The following ARHGAP24 variants were observed in gnomAD, a reference collection of about 807,000 sequenced individuals.
ARHGAP24 encodes the protein rho GTPase-activating protein 24.
A neutral mutation model predicts 76.4 loss-of-function variants in ARHGAP24; 50 were observed. The observed-to-expected ratio is 0.65, with a 90% CI of 0.52 to 0.83. ARHGAP24 has a LOEUF of 0.83. ARHGAP24 is among the 40% of genes least tolerant of loss of function. The pLI, the probability that ARHGAP24 is intolerant of heterozygous loss-of-function variation, is 0.00. For missense variants in ARHGAP24, 930 were observed against 914.2 expected (o/e 1.02, Z -0.22); for synonymous variants, 345 against 323.3 (o/e 1.07, Z -0.72).
At chr4:85,514,531 T>C (rs979361111) in intron 1 of ARHGAP24, among the ~76,000 whole-genome samples, 18 of 152,232 alleles carry the variant, frequency 1.2e-4, no homozygotes, top group Middle Eastern at 3.4e-3. Context: ...AGTTCTATTA[T>C]ATATAATCCA....
At chr4:85,643,250 T>G (rs1393653699) in intron 2 of ARHGAP24, among the ~76,000 whole-genome samples, 1,879 of 48,166 alleles carry the variant, frequency 0.039, 305 homozygotes, top group African/African-American at 0.14. Flanking sequence ...TTTTTTTTTT[T>G]TTTTTTTTTT....
chr4:85,551,286 C>T (rs55829810), intron 1 of ARHGAP24, among the ~76,000 whole-genome samples: 9,337 of 152,198 alleles, frequency 0.061, 873 homozygotes, highest in African/African-American at 0.2. Context: ...TTGAGATAAT[C>T]GTGTGGCTTT....
At chr4:85,896,384 C>T (rs1734181511) in intron 3 of ARHGAP24, among the ~76,000 whole-genome samples, 1 of 152,144 alleles carries the variant, frequency 6.6e-6, no homozygotes, top group Non-Finnish European at 1.5e-5. Flanking sequence ...GTGGCCATAT[C>T]CTACCAAAAA....
intron 1 of ARHGAP24, among the ~76,000 whole-genome samples, chr4:85,533,887 C>G (rs1041949229): frequency 6.6e-6 from 1 of 152,080 alleles, no homozygotes; most frequent in African/African-American, 2.4e-5. Flanking sequence ...AAATAACTAG[C>G]CTATGTTAAG....
At position 85,943,875 on chromosome 4, in the gene ARHGAP24, T is replaced by G. The variant is rs1186831070; in HGVS notation, c.599+1602T>G. On this transcript the variant is annotated intron_variant, in intron 5 of 9. Transcript: ENST00000395184. ...AGTATATCATTGATGGGCATTTGGG[T>G]TGGTTCCAAGTCTTTGCTATTGTGA... Among the ~76,000 whole-genome samples the G allele has an allele frequency of 2.0e-5, 3 of 151,820 alleles. No homozygotes were observed. The East Asian group carries it at 5.8e-4, about 29-fold the overall frequency.
chr4:85,585,021 A>C (rs192429920), intron 2 of ARHGAP24, among the ~76,000 whole-genome samples: 1 of 152,216 alleles, frequency 6.6e-6, no homozygotes, highest in Admixed American at 6.5e-5. Context: ...AGAGCTTGCT[A>C]AAACCCATCT....
chr4:85,862,845 T>C (rs1731978635), intron 3 of ARHGAP24, among the ~76,000 whole-genome samples: 1 of 152,160 alleles, frequency 6.6e-6, no homozygotes. Flanking sequence ...TCCCCAAATA[T>C]ATTTCACATC....
At chr4:85,575,113 C>A (rs1486493849) in intron 2 of ARHGAP24, among the ~76,000 whole-genome samples, 1 of 152,002 alleles carries the variant, frequency 6.6e-6, no homozygotes, top group Non-Finnish European at 1.5e-5. Flanking sequence ...AACTAAACAT[C>A]CTCATTATCC....
At chr4:85,551,960 A>T (rs575836498) in intron 1 of ARHGAP24, among the ~76,000 whole-genome samples, 8 of 152,116 alleles carry the variant, frequency 5.3e-5, no homozygotes, top group East Asian at 1.9e-4. Context: ...TTTATTATTT[A>T]AAAAACTCAT....
At chr4:85,833,522 T>A (rs1341753125) in intron 3 of ARHGAP24, among the ~76,000 whole-genome samples, 1 of 152,156 alleles carries the variant, frequency 6.6e-6, no homozygotes, top group Non-Finnish European at 1.5e-5. Context: ...TCATTCACGC[T>A]AAGTTTCTCA....
At chr4:85,665,867 G>A (rs1722594990) in intron 2 of ARHGAP24, among the ~76,000 whole-genome samples, 1 of 152,164 alleles carries the variant, frequency 6.6e-6, no homozygotes, top group African/African-American at 2.4e-5. Context: ...GGCTTGTAGG[G>A]TTTCTGCCAA....
At chr4:85,530,909 A>G (rs1343917698) in intron 1 of ARHGAP24, among the ~76,000 whole-genome samples, 1 of 152,074 alleles carries the variant, frequency 6.6e-6, no homozygotes, top group Non-Finnish European at 1.5e-5. Flanking sequence ...CATTTGCATA[A>G]TGTGCAGGGA....
At chr4:85,548,264 G>A (rs1490444699) in intron 1 of ARHGAP24, among the ~76,000 whole-genome samples, 1 of 152,146 alleles carries the variant, frequency 6.6e-6, no homozygotes, top group East Asian at 1.9e-4. Context: ...ACACAGCTTT[G>A]CTTCCATTGA....
At position 85,494,546 on chromosome 4, in the gene ARHGAP24, G is replaced by A. The variant is rs367896008; in HGVS notation, c.-21+18987G>A. Among the ~76,000 whole-genome samples, 429 of 151,870 alleles carry A rather than the reference G, an allele frequency of 2.8e-3. 1 individual carries two copies. The highest frequency in any genetic ancestry group is 8.5e-3 in the African/African-American group (351 of 41,426). On this transcript the variant is annotated intron_variant, in intron 1 of 9. Transcript: ENST00000395184. ...CTAAAAATACAAAAATTAGCTGGGC[G>A]TGGTGGAGCCTGTAGTCTCAGCTAC... is the stretch of plus-strand genomic sequence containing the variant.
chr4:85,493,716 T>C (rs528741190), intron 1 of ARHGAP24, among the ~76,000 whole-genome samples: 22 of 152,332 alleles, frequency 1.4e-4, no homozygotes, highest in African/African-American at 4.8e-4. Context: ...AGACACCAGA[T>C]TTCTGTTATT....
At chr4:85,921,567 T>C (rs1735722874) in intron 3 of ARHGAP24, among the ~76,000 whole-genome samples, 1 of 152,146 alleles carries the variant, frequency 6.6e-6, no homozygotes. Flanking sequence ...ATCACTGAGT[T>C]TCCAGAAGTT....
At chr4:85,884,311 G>A (rs980873388) in intron 3 of ARHGAP24, among the ~76,000 whole-genome samples, 1 of 152,088 alleles carries the variant, frequency 6.6e-6, no homozygotes, top group African/African-American at 2.4e-5. Context: ...AGTTAATGAG[G>A]GGAAGAAACT....
chr4:85,478,926 CCT>C (rs1722706404), intron 1 of ARHGAP24, among the ~76,000 whole-genome samples: 1 of 152,178 alleles, frequency 6.6e-6, no homozygotes, highest in South Asian at 2.1e-4. Flanking sequence ...TTTCCCCTGT[CCT>C]CTCTCACAAC....
At chr4:85,502,649 A>G (rs1723868076) in intron 1 of ARHGAP24, among the ~76,000 whole-genome samples, 1 of 152,154 alleles carries the variant, frequency 6.6e-6, no homozygotes. Flanking sequence ...TAAACATAGA[A>G]TCATGTCATC....
Sources: gnomAD v4.1 joint callset for allele counts (sites outside exome capture counted in the v4.1 genomes callset) on GRCh38, gnomAD v4.1.1 for gene constraint, MANE v1.5 for transcripts, NCBI Gene and HGNC (gene_info 2026-07-23, HGNC 2026-07-21) for gene names.